Variants in DLGAP1 observed in about 807,000 individuals in gnomAD.
DLGAP1 encodes disks large-associated protein 1.
A neutral mutation model predicts 90.8 loss-of-function variants in DLGAP1; 11 were observed. The observed-to-expected ratio is 0.12, with a 90% CI of 0.08 to 0.20. The LOEUF (loss-of-function observed/expected upper bound fraction) is 0.20, where lower values mean the gene tolerates loss of function less well. Ranked by LOEUF, DLGAP1 falls within the 10% of genes least tolerant of loss-of-function variation. The pLI is 1.00. For missense variants in DLGAP1, 1,050 were observed against 1,333.8 expected (o/e 0.79, Z 3.31); for synonymous variants, 558 against 540.7 (o/e 1.03, Z -0.44).
In DLGAP1 at chr18:4,380,628, C is replaced by T. The variant is rs183708999; in HGVS notation, c.-267+74378G>A. Among the ~76,000 whole-genome samples, 4 of 152,278 alleles carry T rather than the reference C, an allele frequency of 2.6e-5. No homozygotes were observed. The East Asian group carries it at 7.7e-4, about 29-fold the overall frequency. ...AATAGAATCTAATCTAGCAGATATT[C>T]ACCATAAACTCTCTTTTAATCTTTA... On this transcript the variant is annotated intron_variant, in intron 1 of 12. Transcript: ENST00000315677.
intron 1 of DLGAP1, among the ~76,000 whole-genome samples, chr18:4,230,029 G>A (rs1411190878): frequency 2.0e-5 from 3 of 152,042 alleles, no homozygotes; most frequent in Non-Finnish European, 4.4e-5. Flanking sequence ...AAACGTATAT[G>A]AAAAGGTGGT....
At position 4,167,294 on chromosome 18, in the gene DLGAP1, A is replaced by T. The variant is rs192154450; in HGVS notation, c.-266-16007T>A. ...CCCTACTATATGCTGTTTGGAGGAGATTTATTTCAAATTCAATAGAAAAAA... is the reference window on the plus strand; with the variant it reads ...CCCTACTATATGCTGTTTGGAGGAGTTTTATTTCAAATTCAATAGAAAAAA... On this transcript the variant is annotated intron_variant, in intron 1 of 12. Transcript: ENST00000315677. 1.1e-3 allele frequency among the ~76,000 whole-genome samples: 165 copies of T among 152,278 alleles called. 1 individual carries two copies. The highest frequency in any genetic ancestry group is 3.9e-3 in the African/African-American group (161 of 41,572).
At chr18:3,889,266 T>C (rs916320873) in intron 3 of DLGAP1, among the ~76,000 whole-genome samples, 1 of 152,052 alleles carries the variant, frequency 6.6e-6, no homozygotes, top group Non-Finnish European at 1.5e-5. Flanking sequence ...AATATGACAA[T>C]ACAACTTGAA....
intron 4 of DLGAP1, among the ~76,000 whole-genome samples, chr18:3,859,973 T>C (rs112962557): frequency 0.13 from 19,403 of 151,428 alleles, 1,287 homozygotes; most frequent in Admixed American, 0.15. Flanking sequence ...GTGGTGGGCA[T>C]CTGTAGTCCC....
intron 7 of DLGAP1, among the ~76,000 whole-genome samples, chr18:3,685,841 C>T (rs546121165): frequency 6.6e-6 from 1 of 152,258 alleles, no homozygotes; most frequent in South Asian, 2.1e-4. Flanking sequence ...CTTCAAGGCC[C>T]GTGCCATCAT....
At chr18:3,994,707 C>T (rs146733755) in intron 3 of DLGAP1, among the ~76,000 whole-genome samples, 12 of 152,246 alleles carry the variant, frequency 7.9e-5, no homozygotes, top group South Asian at 6.2e-4. Context: ...ACATTAATCA[C>T]GGACTTTTAA....
intron 1 of DLGAP1, among the ~76,000 whole-genome samples, chr18:4,284,570 A>G (rs1337916326): frequency 1.3e-5 from 2 of 152,164 alleles, no homozygotes; most frequent in African/African-American, 4.8e-5. Flanking sequence ...CAGAATTATT[A>G]CAGGTGATGC....
At chr18:3,575,730 A>C (rs1283641279) in intron 8 of DLGAP1, among the ~76,000 whole-genome samples, 1 of 152,214 alleles carries the variant, frequency 6.6e-6, no homozygotes, top group Non-Finnish European at 1.5e-5. Context: ...TATGACTTTT[A>C]GTTTAGACAT....
intron 2 of DLGAP1, among the ~76,000 whole-genome samples, chr18:4,038,057 T>C (rs931260398): frequency 5.3e-5 from 8 of 152,252 alleles, no homozygotes; most frequent in African/African-American, 1.9e-4. Context: ...ATAATCAATT[T>C]GCTCACTCTA....
At chr18:4,025,680 C>T (rs951668540) in intron 2 of DLGAP1, among the ~76,000 whole-genome samples, 3 of 152,110 alleles carry the variant, frequency 2.0e-5, no homozygotes, top group African/African-American at 7.2e-5. Flanking sequence ...TCTCTGCCTT[C>T]TAAGGTTACT....
chr18:3,845,465 C>T, intron 4 of DLGAP1: 1 of 1,323,072 alleles, frequency 7.6e-7, no homozygotes, highest in Non-Finnish European at 9.7e-7. Flanking sequence ...TATAAAGATA[C>T]TTAATGAAAT....
chr18:4,183,396 A>C (rs1225549512), intron 1 of DLGAP1, among the ~76,000 whole-genome samples: 1 of 152,166 alleles, frequency 6.6e-6, no homozygotes, highest in Non-Finnish European at 1.5e-5. Flanking sequence ...ACATGAGAAG[A>C]AGCAGACTAA....
intron 3 of DLGAP1, among the ~76,000 whole-genome samples, chr18:3,900,668 C>T (rs1298949149): frequency 6.6e-6 from 1 of 152,024 alleles, no homozygotes; most frequent in Non-Finnish European, 1.5e-5. Flanking sequence ...GAACATTATG[C>T]CCTTGGGATG....
At chr18:3,536,580 G>A (rs1020025547) in intron 9 of DLGAP1, among the ~76,000 whole-genome samples, 1 of 152,142 alleles carries the variant, frequency 6.6e-6, no homozygotes, top group African/African-American at 2.4e-5. Context: ...GCCTGGTAAA[G>A]GTTTACCTTT....
chr18:4,208,526 G>A (rs1164341564), intron 1 of DLGAP1, among the ~76,000 whole-genome samples: 1 of 152,192 alleles, frequency 6.6e-6, no homozygotes, highest in Non-Finnish European at 1.5e-5. Flanking sequence ...CATTATGCCA[G>A]TAACATATGT....
At chr18:3,572,898 A>G (rs557038806) in intron 8 of DLGAP1, among the ~76,000 whole-genome samples, 17 of 152,282 alleles carry the variant, frequency 1.1e-4, no homozygotes, top group Admixed American at 9.8e-4. Flanking sequence ...TGTGACATAC[A>G]CTACTTGGTA....
chr18:3,758,426 A>C (rs1238262305), intron 5 of DLGAP1, among the ~76,000 whole-genome samples: 2 of 152,178 alleles, frequency 1.3e-5, no homozygotes, highest in Non-Finnish European at 2.9e-5. Context: ...TTTACAGTGA[A>C]TCTCTTGATG....
chr18:3,771,838 G>GAAA (rs36074021), intron 5 of DLGAP1, among the ~76,000 whole-genome samples: 1 of 138,154 alleles, frequency 7.2e-6, no homozygotes, highest in Non-Finnish European at 1.6e-5. Flanking sequence ...CCCTAGCTCT[G>GAAA]AAAAAAAAAA....
At chr18:3,690,455 C>G (rs1447506876) in intron 7 of DLGAP1, among the ~76,000 whole-genome samples, 1 of 151,942 alleles carries the variant, frequency 6.6e-6, no homozygotes, top group Non-Finnish European at 1.5e-5. Context: ...CTGAAAAAGC[C>G]TTTGGGGATT....
Sources: gnomAD v4.1 joint callset for allele counts (sites outside exome capture counted in the v4.1 genomes callset) on GRCh38, gnomAD v4.1.1 for gene constraint, MANE v1.5 for transcripts, NCBI Gene and HGNC (gene_info 2026-07-23, HGNC 2026-07-21) for gene names.